Variants in PHLDB2 observed in about 807,000 individuals in gnomAD.
PHLDB2 encodes the protein pleckstrin homology-like domain family B member 2.
A neutral mutation model predicts 123.6 loss-of-function variants in PHLDB2; 71 were observed. The observed-to-expected ratio is 0.57, with a 90% CI of 0.47 to 0.70. The LOEUF (loss-of-function observed/expected upper bound fraction) is 0.70, where lower values mean the gene tolerates loss of function less well. Ranked by LOEUF, PHLDB2 falls within the 30% of genes least tolerant of loss-of-function variation. The pLI, the probability that PHLDB2 is intolerant of heterozygous loss-of-function variation, is 0.00. For synonymous variants in PHLDB2, 547 were observed against 541.6 expected (o/e 1.01, Z -0.14); for missense variants, 1,446 against 1,519.5 (o/e 0.95, Z 0.80).
intron 1 of PHLDB2, among the ~76,000 whole-genome samples, chr3:111,827,584 G>T (rs1044693198): frequency 9.3e-5 from 14 of 149,898 alleles, no homozygotes; most frequent in African/African-American, 3.4e-4. Flanking sequence ...CTGAGGCGGA[G>T]AATGGCGTCA....
At chr3:111,970,995 C>T (rs1391525258) in intron 16 of PHLDB2, among the ~76,000 whole-genome samples, 3 of 152,148 alleles carry the variant, frequency 2.0e-5, no homozygotes, top group African/African-American at 7.2e-5. Context: ...TAGGGGAATG[C>T]CTGCCTTTCA....
At chr3:111,954,909 A>G (rs2070946152) in intron 12 of PHLDB2, among the ~76,000 whole-genome samples, 2 of 152,162 alleles carry the variant, frequency 1.3e-5, no homozygotes, top group African/African-American at 2.4e-5. Flanking sequence ...TTGGCCTTCA[A>G]ATACATTCAT....
chr3:111,868,942 G>GT (rs2065214312), intron 1 of PHLDB2, among the ~76,000 whole-genome samples: 1 of 152,018 alleles, frequency 6.6e-6, no homozygotes, highest in Non-Finnish European at 1.5e-5. Context: ...CTTACTCAAG[G>GT]GACTAGCACA....
chr3:111,932,217 C>T (rs2069188195), intron 5 of PHLDB2, 52 bp from the exon 6 acceptor site: 2 of 1,535,910 alleles, frequency 1.3e-6, no homozygotes, highest in Non-Finnish European at 1.8e-6. Context: ...CTAGCACCTG[C>T]TTGGGGGTGT....
chr3:111,758,886 A>T (rs114854296), intron 1 of PHLDB2, among the ~76,000 whole-genome samples: 5 of 152,166 alleles, frequency 3.3e-5, no homozygotes, highest in Non-Finnish European at 7.3e-5. Context: ...AGATGGTTTT[A>T]TAAGCTACTA....
At position 111,962,267 on chromosome 3, in the gene PHLDB2, G is replaced by A. The variant is rs1414427780; in HGVS notation, c.3032G>A (p.Ser1011Asn). The part of the protein sequence containing the change: ...FDTLSLDSSD[S>N]METSISACSP... The stretch of plus-strand genomic sequence containing the variant: ...ACTCTGAGCCTCGATAGCTCTGATA[G>A]CATGGAGACCAGCATCTCTGCTTGC... Residue 1011 changes from serine to asparagine, a missense_variant, in exon 13 of 18, where the codon AGC becomes AAC. By Grantham distance (46) the Ser-to-Asn change is conservative. This residue lies in a region of PHLDB2 where 594 missense variants were observed against 646.0 expected (regional missense o/e 0.92). Transcript: ENST00000431670. 4.4e-6 allele frequency: 7 copies of A among 1,585,576 alleles called. No homozygotes were observed. The highest frequency in any genetic ancestry group is 6.0e-6 in the Non-Finnish European group (7 of 1,172,790).
chr3:111,869,263 G>A (rs1421525707), intron 1 of PHLDB2, among the ~76,000 whole-genome samples: 1 of 152,074 alleles, frequency 6.6e-6, no homozygotes, highest in Admixed American at 6.5e-5. Context: ...ACAGGAAGAA[G>A]CTGGAACTTC....
chr3:111,749,913 T>G (rs1441230053), intron 1 of PHLDB2, among the ~76,000 whole-genome samples: 6 of 152,234 alleles, frequency 3.9e-5, no homozygotes, highest in Non-Finnish European at 8.8e-5. Context: ...TTTTCTGGCA[T>G]GTAGCATGAG....
intron 9 of PHLDB2, among the ~76,000 whole-genome samples, chr3:111,947,317 T>C (rs2070378103): frequency 6.6e-6 from 1 of 152,050 alleles, no homozygotes; most frequent in Non-Finnish European, 1.5e-5. Flanking sequence ...ACTATTGTTG[T>C]GTATCTGCAA....
intron 1 of PHLDB2, among the ~76,000 whole-genome samples, chr3:111,874,243 C>G (rs955904208): frequency 6.6e-6 from 1 of 152,186 alleles, no homozygotes; most frequent in African/African-American, 2.4e-5. Context: ...AACTACCACT[C>G]TCACTGGATT....
rs969345131 is a variant in PHLDB2, at chr3:111,949,221, A to T, written c.2631+146A>T. 6 of 885,590 alleles carry T rather than the reference A, an allele frequency of 6.8e-6. No individual in the cohort carries two copies. In the African/African-American group the frequency reaches 1.0e-4, roughly 15 times the overall value. The allele number at this position is 885,590 out of a possible 1,614,324, so 54.9% of individuals were successfully genotyped here. A position where few individuals can be genotyped will look rare whatever the true frequency, so the allele number is the denominator to read the frequency against. On this transcript the variant is annotated intron_variant, in intron 10 of 17. Coordinates refer to ENST00000431670, the MANE Select transcript of PHLDB2 (RefSeq NM_001134438.2). ...AGGGGTAGGGTAAGGCTGAGTTTAT[A>T]AAGTATACCAATTTGGGGGTAATGC...
intron 2 of PHLDB2, among the ~76,000 whole-genome samples, chr3:111,852,680 TA>T (rs2108611872): frequency 6.6e-6 from 1 of 152,068 alleles, no homozygotes; most frequent in East Asian, 1.9e-4. Flanking sequence ...GCAGGCAAAG[TA>T]GACCAATTCA....
intron 1 of PHLDB2, among the ~76,000 whole-genome samples, chr3:111,786,788 C>T (rs891713202): frequency 2.2e-4 from 34 of 151,992 alleles, no homozygotes; most frequent in African/African-American, 8.0e-4. Context: ...ATCTAAGAGT[C>T]CCCTCAAAGC....
chr3:111,762,122 G>A (rs963511872), intron 1 of PHLDB2, among the ~76,000 whole-genome samples: 1 of 152,144 alleles, frequency 6.6e-6, no homozygotes, highest in African/African-American at 2.4e-5. Flanking sequence ...ATGGGTTTTG[G>A]TGCCAGACTA....
At chr3:111,747,824 T>C (rs1370541056) in intron 1 of PHLDB2, among the ~76,000 whole-genome samples, 3 of 152,256 alleles carry the variant, frequency 2.0e-5, no homozygotes, top group African/African-American at 4.8e-5. Context: ...TTGTGTCTTT[T>C]TGTATAACTA....
At chr3:111,743,891 A>G (rs1261035274) in intron 1 of PHLDB2, among the ~76,000 whole-genome samples, 1 of 152,186 alleles carries the variant, frequency 6.6e-6, no homozygotes, top group Non-Finnish European at 1.5e-5. Flanking sequence ...TTAATGAACA[A>G]TTTTCATATT....
chr3:111,739,959 A>T (rs557772100), intron 1 of PHLDB2, among the ~76,000 whole-genome samples: 79 of 151,844 alleles, frequency 5.2e-4, no homozygotes, highest in African/African-American at 8.9e-4. Flanking sequence ...CATTTTTAAA[A>T]TTTTTTTTTA....
At chr3:111,952,871 C>CATGA (rs1378237490) in intron 11 of PHLDB2, among the ~76,000 whole-genome samples, 159 bp downstream of exon 11, 1 of 152,164 alleles carries the variant, frequency 6.6e-6, no homozygotes, top group Admixed American at 6.5e-5. Context: ...TCTACCTGTT[C>CATGA]AGAGGACATC....
intron 1 of PHLDB2, among the ~76,000 whole-genome samples, chr3:111,736,615 C>A (rs1401875508): frequency 6.6e-6 from 1 of 152,124 alleles, no homozygotes; most frequent in African/African-American, 2.4e-5. Context: ...AGGAATGGGG[C>A]CTACAAGCTT....
Sources: gnomAD v4.1 joint callset for allele counts (sites outside exome capture counted in the v4.1 genomes callset) on GRCh38, gnomAD v4.1.1 for gene constraint, gnomAD v4.1.1 regional missense constraint, MANE v1.5 for transcripts, NCBI Gene and HGNC (gene_info 2026-07-23, HGNC 2026-07-21) for gene names.